Variants in GARIN5B observed in about 807,000 individuals in gnomAD.
GARIN5B encodes the protein golgi associated RAB2 interactor family member 5B.
the GARIN5B span, among the ~76,000 whole-genome samples, chr19:55,357,400 C>T: frequency 3.3e-5 from 5 of 152,230 alleles, no homozygotes; most frequent in Admixed American, 1.3e-4. Context: ...CCTGCTGCAC[C>T]TCTGACCGCA....
chr19:55,361,525 G>A, the GARIN5B span: 1 of 1,320,108 alleles, frequency 7.6e-7, no homozygotes, highest in East Asian at 2.6e-5. Flanking sequence ...CTGCTCCCAG[G>A]ACCTGACGAT....
chr19:55,362,244 C>T, the GARIN5B span: 1 of 1,528,240 alleles, frequency 6.5e-7, no homozygotes. Flanking sequence ...TGGGATCCCA[C>T]CTGCAGGTGC....
the GARIN5B span, chr19:55,359,295 G>C: frequency 1.3e-6 from 2 of 1,550,896 alleles, no homozygotes; most frequent in Admixed American, 2.0e-5. Flanking sequence ...TTCTTCTTTG[G>C]AGCAGTGGGG....
chr19:55,359,889 A>C, the GARIN5B span: 1 of 1,551,526 alleles, frequency 6.4e-7, no homozygotes, highest in Admixed American at 2.0e-5. Context: ...CCCAGAAAGA[A>C]GCCATCAGGG....
the GARIN5B span, among the ~76,000 whole-genome samples, chr19:55,355,662 G>A: frequency 1.3e-5 from 2 of 152,152 alleles, no homozygotes; most frequent in East Asian, 3.9e-4. Flanking sequence ...CCTGACTCAG[G>A]ATTGTTTACA....
chr19:55,356,085 G>A, the GARIN5B span, among the ~76,000 whole-genome samples: 1 of 151,814 alleles, frequency 6.6e-6, no homozygotes, highest in African/African-American at 2.4e-5. Flanking sequence ...CGATCACACC[G>A]CTGCACTCTA....
At chr19:55,358,106 CA>C in the GARIN5B span, 1 of 1,416,998 alleles carries the variant, frequency 7.1e-7, no homozygotes, top group Non-Finnish European at 9.3e-7. Flanking sequence ...TCATAAACAG[CA>C]GAGCTCACAG....
At chr19:55,357,697 C>T in the GARIN5B span, among the ~76,000 whole-genome samples, 9 of 152,312 alleles carry the variant, frequency 5.9e-5, 1 homozygote, top group East Asian at 1.9e-4. Context: ...GCCCCATGGT[C>T]GGACACTGTA....
chr19:55,358,139 C>T, the GARIN5B span: 56 of 1,466,156 alleles, frequency 3.8e-5, no homozygotes, highest in South Asian at 1.7e-4. Flanking sequence ...TGCTAACCCC[C>T]GCTACCTGGG....
chr19:55,363,182 G>A, the GARIN5B span: 31 of 1,115,802 alleles, frequency 2.8e-5, no homozygotes, highest in Middle Eastern at 5.6e-4. The surrounding 1 kb of genome is among the most constrained non-coding windows in gnomAD (Gnocchi z 4.0). Flanking sequence ...GGAGCTCAGC[G>A]TTACAGAGCG....
the GARIN5B span, chr19:55,359,162 G>T: frequency 6.4e-7 from 1 of 1,551,220 alleles, no homozygotes; most frequent in South Asian, 1.2e-5. Flanking sequence ...AGGAATTCCT[G>T]TTGGCAACAC....
At chr19:55,355,102 G>A in the GARIN5B span, 2 of 409,106 alleles carry the variant, frequency 4.9e-6, no homozygotes, top group Non-Finnish European at 9.2e-6. Flanking sequence ...GGGCCTGTGG[G>A]GTTAAGAGGA....
chr19:55,359,837 G>A, the GARIN5B span: 3,215 of 1,551,462 alleles, frequency 2.1e-3, 70 homozygotes, highest in African/African-American at 0.039. Flanking sequence ...GAGGTCTTCC[G>A]TGTCCTGATG....
the GARIN5B span, chr19:55,358,137 C>T: frequency 1.4e-6 from 2 of 1,463,910 alleles, no homozygotes; most frequent in South Asian, 1.4e-5. Flanking sequence ...GCTGCTAACC[C>T]CCGCTACCTG....
At chr19:55,360,055 C>T in the GARIN5B span, 4 of 1,401,570 alleles carry the variant, frequency 2.9e-6, no homozygotes, top group East Asian at 7.5e-5. Context: ...CAGACCCCTG[C>T]TCCCTCCTCC....
At chr19:55,361,868 A>T in the GARIN5B span, among the ~76,000 whole-genome samples, 3,372 of 69,268 alleles carry the variant, frequency 0.049, 523 homozygotes, top group Middle Eastern at 0.17. Context: ...CCAGCCCTTC[A>T]CCCTCAGACC....
the GARIN5B span, chr19:55,359,825 A>G: frequency 6.4e-7 from 1 of 1,551,450 alleles, no homozygotes; most frequent in Non-Finnish European, 8.7e-7. Context: ...CCCAGAGTCC[A>G]TGAGGTCTTC....
At chr19:55,356,757 A>T in the GARIN5B span, among the ~76,000 whole-genome samples, 1 of 151,692 alleles carries the variant, frequency 6.6e-6, no homozygotes, top group Admixed American at 6.6e-5. Context: ...CCACAAAGAA[A>T]CCTCCAACCT....
the GARIN5B span, chr19:55,358,523 TC>T: frequency 3.2e-5 from 1 of 31,696 alleles, no homozygotes; most frequent in East Asian, 2.6e-3. Flanking sequence ...CTCCTTCATC[TC>T]GCCCCATGGC....
Sources: gnomAD v4.1 joint callset for allele counts (sites outside exome capture counted in the v4.1 genomes callset) on GRCh38, gnomAD v4.1.1 for gene constraint, Gnocchi (gnomAD v3.1) non-coding constraint, MANE v1.5 for transcripts, NCBI Gene and HGNC (gene_info 2026-07-23, HGNC 2026-07-21) for gene names.